RAB27B: variants seen among roughly 807,000 people sequenced by gnomAD.
RAB27B encodes RAB27B, member RAS oncogene family.
Under a neutral mutation model 24.6 loss-of-function variants are expected in RAB27B, and 15 were observed. That is an observed-to-expected ratio of 0.61 (90% CI 0.41 to 0.94). RAB27B has a LOEUF of 0.94. Ranked by LOEUF, RAB27B falls within the 40% of genes least tolerant of loss-of-function variation. RAB27B has a pLI of 0.00. For missense variants in RAB27B, 261 were observed against 266.8 expected (o/e 0.98, Z 0.15); for synonymous variants, 105 against 92.5 (o/e 1.14, Z -0.78).
chr18:54,841,137 ACT>A (rs1444980791), intron 1 of RAB27B, among the ~76,000 whole-genome samples: 1 of 94,338 alleles, frequency 1.1e-5, no homozygotes, highest in East Asian at 3.9e-4. Context: ...ACAGAGAAAG[ACT>A]CTGTCTTTGG....
At chr18:54,796,267 C>T (rs1164949474) in intron 2 of RAB27B, among the ~76,000 whole-genome samples, 2 of 152,134 alleles carry the variant, frequency 1.3e-5, no homozygotes, top group Non-Finnish European at 1.5e-5. Flanking sequence ...CTCCTGAAGT[C>T]CAAGTGGGCA....
At chr18:54,831,896 C>T (rs966150446) in intron 1 of RAB27B, among the ~76,000 whole-genome samples, 5 of 152,104 alleles carry the variant, frequency 3.3e-5, no homozygotes, top group Non-Finnish European at 7.4e-5. Flanking sequence ...CTGCCTCAGC[C>T]TCCTGAATAG....
chr18:54,817,174 T>C (rs932274553), intron 2 of RAB27B, among the ~76,000 whole-genome samples: 1 of 152,230 alleles, frequency 6.6e-6, no homozygotes, highest in Admixed American at 6.5e-5. Flanking sequence ...CATTCAGTTA[T>C]TTACTCAACA....
chr18:54,791,552 G>A (rs545765168), intron 2 of RAB27B, among the ~76,000 whole-genome samples: 106 of 152,246 alleles, frequency 7.0e-4, no homozygotes, highest in Non-Finnish European at 1.2e-3. Flanking sequence ...TAAATGATAC[G>A]GAAGAGGGGA....
At chr18:54,764,922 T>G (rs76608616) in intron 2 of RAB27B, among the ~76,000 whole-genome samples, 2,393 of 152,236 alleles carry the variant, frequency 0.016, 59 homozygotes, top group African/African-American at 0.054. Flanking sequence ...AGACTGCTTG[T>G]GTCATTTTAC....
chr18:54,732,284 G>A (rs1371878070), intron 2 of RAB27B, among the ~76,000 whole-genome samples: 7 of 152,172 alleles, frequency 4.6e-5, no homozygotes, highest in African/African-American at 1.7e-4. Flanking sequence ...TGTATTCCAG[G>A]TCTGAGTTCT....
rs11363761 is a variant in RAB27B at position 54,801,008 on chromosome 18, G to GTTTTTT, written c.-19-76540_-19-76535dup. Among the ~76,000 whole-genome samples the GTTTTTT allele has an allele frequency of 8.4e-4, 78 of 93,072 alleles. 1 individual carries two copies. In the South Asian group the frequency reaches 0.016, roughly 19 times the overall value. The allele number at this position is 93,072 out of a possible 152,430, so 61.1% of individuals were successfully genotyped here. On this transcript the variant is annotated intron_variant, in intron 2 of 4. Transcript: ENST00000586570. ...ATTTTTAAATTTGTTTTGTTCCTGT[G>GTTTTTT]TTTTTTTTTTTTTTTTTTTTTTTTA... is the stretch of plus-strand genomic sequence containing the variant.
At position 54,868,442 on chromosome 18, in the gene RAB27B, T is replaced by G. The variant is rs549557452; in HGVS notation, c.-19-9125T>G. Among the ~76,000 whole-genome samples, 9 of 152,292 alleles carry G rather than the reference T, an allele frequency of 5.9e-5. No individual in the cohort carries two copies. The South Asian group carries it at 6.2e-4, about 11-fold the overall frequency. On this transcript the variant is annotated intron_variant, in intron 1 of 5. Coordinates refer to ENST00000262094, the MANE Select transcript of RAB27B (RefSeq NM_004163.4). ...TGCAGAACCGTGAGTGAATTAAACC[T>G]TTTTTCTTTATAAAGTACCCAGTCT...
chr18:54,846,607 A>C (rs372171060), intron 1 of RAB27B, among the ~76,000 whole-genome samples: 41 of 152,358 alleles, frequency 2.7e-4, no homozygotes, highest in Middle Eastern at 3.4e-3. Flanking sequence ...GATACCTACC[A>C]CATTTGAGCC....
intron 2 of RAB27B, among the ~76,000 whole-genome samples, chr18:54,816,725 A>T (rs1910132945): frequency 6.6e-6 from 1 of 152,192 alleles, no homozygotes; most frequent in Non-Finnish European, 1.5e-5. Context: ...TGATTGCCAC[A>T]AATCCATTTT....
intron 2 of RAB27B, among the ~76,000 whole-genome samples, chr18:54,820,275 G>A (rs993320097): frequency 6.6e-5 from 10 of 152,148 alleles, no homozygotes; most frequent in African/African-American, 2.2e-4. Context: ...ATCCTCTCCA[G>A]CACCTGTTGT....
intron 1 of RAB27B, among the ~76,000 whole-genome samples, chr18:54,855,411 A>G (rs1911743159): frequency 6.6e-6 from 1 of 152,232 alleles, no homozygotes; most frequent in Non-Finnish European, 1.5e-5. Flanking sequence ...GCCTTCATTT[A>G]AAGTACAAAT....
chr18:54,751,098 C>T (rs1907816013), intron 2 of RAB27B, among the ~76,000 whole-genome samples: 1 of 152,158 alleles, frequency 6.6e-6, no homozygotes, highest in Admixed American at 6.5e-5. Flanking sequence ...AGAGGGCAGT[C>T]AGACAGCTTT....
intron 1 of RAB27B, among the ~76,000 whole-genome samples, chr18:54,841,778 T>A (rs78591438): frequency 0.037 from 5,664 of 152,292 alleles, 159 homozygotes; most frequent in Admixed American, 0.086. Context: ...GATTGCACCT[T>A]AATAATTTTA....
At chr18:54,832,385 A>G (rs1235431444) in intron 1 of RAB27B, among the ~76,000 whole-genome samples, 1 of 152,218 alleles carries the variant, frequency 6.6e-6, no homozygotes, top group African/African-American at 2.4e-5. Context: ...GGATAAAACT[A>G]GGGAAGAAAT....
upstream of RAB27B, among the ~76,000 whole-genome samples, chr18:54,826,589 G>A (rs1214654247): frequency 6.6e-6 from 1 of 152,138 alleles, no homozygotes; most frequent in Non-Finnish European, 1.5e-5. Flanking sequence ...CTATAAAGCA[G>A]GTGACACACT....
chr18:54,860,749 C>A (rs1040559863), intron 1 of RAB27B, among the ~76,000 whole-genome samples: 42 of 152,168 alleles, frequency 2.8e-4, no homozygotes, highest in Admixed American at 2.4e-3. Context: ...AAGGAAAGTT[C>A]CAAGTCAGAG....
intron 2 of RAB27B, among the ~76,000 whole-genome samples, chr18:54,804,904 C>CTCTTTCTTTCTTTCTT (rs777177556): frequency 0.019 from 887 of 47,886 alleles, 13 homozygotes; most frequent in African/African-American, 0.03. Context: ...CTTTCTCTCT[C>CTCTTTCTTTCTTTCTT]TCTTTCTTTC....
At chr18:54,738,558 C>G (rs767465032) in intron 2 of RAB27B, among the ~76,000 whole-genome samples, 1 of 152,112 alleles carries the variant, frequency 6.6e-6, no homozygotes, top group South Asian at 2.1e-4. Flanking sequence ...CCCACCCATG[C>G]AGAACTGTGA....
Sources: gnomAD v4.1 joint callset for allele counts (sites outside exome capture counted in the v4.1 genomes callset) on GRCh38, gnomAD v4.1.1 for gene constraint, MANE v1.5 for transcripts, NCBI Gene and HGNC (gene_info 2026-07-23, HGNC 2026-07-21) for gene names.